FCRL2: variants seen among roughly 807,000 people sequenced by gnomAD.
The protein encoded by FCRL2 is Fc receptor-like protein 2.
Under a neutral mutation model 59.8 loss-of-function variants are expected in FCRL2, and 48 were observed. The observed-to-expected ratio is 0.80, with a 90% CI of 0.64 to 1.02. The LOEUF (loss-of-function observed/expected upper bound fraction) is 1.02. FCRL2 is among the 50% of genes least tolerant of loss of function. FCRL2 has a pLI of 0.00. For synonymous variants in FCRL2, 251 were observed against 229.5 expected (o/e 1.09, Z -0.85); for missense variants, 658 against 597.3 (o/e 1.10, Z -1.06).
intron 7 of FCRL2, among the ~76,000 whole-genome samples, chr1:157,757,858 A>G (rs185528123): frequency 0.017 from 2,556 of 152,282 alleles, 49 homozygotes; most frequent in African/African-American, 0.05. Flanking sequence ...GCTACTGGGG[A>G]GGATGAGGCA....
intron 2 of FCRL2, among the ~76,000 whole-genome samples, chr1:157,772,226 A>G (rs1319556415): frequency 1.3e-5 from 2 of 151,960 alleles, no homozygotes; most frequent in African/African-American, 4.8e-5. Flanking sequence ...TGTAGAGAAC[A>G]CCACTGGGGA....
Position 157,746,783 on chromosome 1 carries a change from GAC to G in FCRL2, c.1489-11_1489-10del, listed in dbSNP as rs1647779703. On this transcript the variant is annotated splice_polypyrimidine_tract_variant and intron_variant, in intron 11 of 11. Transcript: ENST00000361516. ...TAGATGACTTGGGAGTCCTGGGAGA[GAC>G]ACACAGGAATAAAGACTGAGGTGAT... 2 of 1,613,374 alleles carry G rather than the reference GAC, an allele frequency of 1.2e-6. No individual in the cohort carries two copies. Among genetic ancestry groups the G allele is most frequent in the African/African-American group, 2.7e-5 (2 of 74,918 alleles).
intron 7 of FCRL2, among the ~76,000 whole-genome samples, chr1:157,763,010 T>C (rs1049319202): frequency 1.3e-5 from 2 of 152,014 alleles, no homozygotes; most frequent in African/African-American, 4.8e-5. Flanking sequence ...AGCCAGGAGG[T>C]GCAATAAAGT....
intron 7 of FCRL2, among the ~76,000 whole-genome samples, chr1:157,757,075 A>G (rs147330754): frequency 3.3e-5 from 5 of 152,338 alleles, no homozygotes; most frequent in Admixed American, 1.3e-4. Flanking sequence ...TGACTCTGTC[A>G]TTTGTCAGCA....
intron 5 of FCRL2, 45 bp from the exon 6 acceptor site, chr1:157,767,554 A>G (rs1649610465): frequency 1.2e-6 from 2 of 1,614,142 alleles, no homozygotes; most frequent in African/African-American, 1.3e-5. Context: ...GTGATGCCTC[A>G]ATAGATTCAC....
intron 4 of FCRL2, chr1:157,768,963 CTG>C (rs933354372): frequency 6.2e-5 from 23 of 371,782 alleles, no homozygotes; most frequent in African/African-American, 3.9e-4. Flanking sequence ...AGACAGGAAA[CTG>C]TTCAATTTTT....
At chr1:157,768,834 G>T in intron 4 of FCRL2, 133 bp from the exon 5 acceptor site, 1 of 868,962 alleles carries the variant, frequency 1.2e-6, no homozygotes, top group Non-Finnish European at 1.7e-6. Context: ...GCATTCCTAT[G>T]GAGGTAGGGA....
intron 10 of FCRL2, among the ~76,000 whole-genome samples, chr1:157,748,053 G>C (rs1413165502): frequency 2.0e-5 from 3 of 151,876 alleles, no homozygotes; most frequent in Non-Finnish European, 4.4e-5. Flanking sequence ...CTTCACAAGA[G>C]CCTACCTCCA....
intron 7 of FCRL2, among the ~76,000 whole-genome samples, chr1:157,756,918 C>T (rs1398512925): frequency 1.3e-5 from 2 of 152,160 alleles, no homozygotes; most frequent in East Asian, 3.8e-4. Flanking sequence ...TACATAAATA[C>T]ATGCAATTTT....
intron 7 of FCRL2, among the ~76,000 whole-genome samples, chr1:157,760,776 AGGAAGGAAGGAAGGAG>A (rs1383668340): frequency 0.014 from 2,033 of 150,194 alleles, 60 homozygotes; most frequent in African/African-American, 0.047. Context: ...GAAAAAAGAA[AGGAAGGAAGGAAGGAG>A]GGAAGGAAGG....
intron 7 of FCRL2, among the ~76,000 whole-genome samples, chr1:157,752,222 G>T (rs1648246749): frequency 6.6e-6 from 1 of 152,338 alleles, no homozygotes; most frequent in South Asian, 2.1e-4. Context: ...GTTGTGGGAG[G>T]TACCCAGTGG....
chr1:157,757,962 G>A (rs1648731836), intron 7 of FCRL2, among the ~76,000 whole-genome samples: 1 of 151,820 alleles, frequency 6.6e-6, no homozygotes, highest in East Asian at 1.9e-4. Context: ...ACTGCGTCTC[G>A]AAAAAAAAGA....
rs1222929984 is a variant in FCRL2, at chr1:157,745,860, GT to G, written c.*875del. ...TATGCATACTTTGGTGATATTGCAG[GT>G]TCAGTTCCAGACTACCAAAATAAAA... On this transcript the variant is annotated 3_prime_UTR_variant, in exon 12 of 12. Transcript: ENST00000361516. 2 of 152,090 alleles carry G rather than the reference GT, an allele frequency of 1.3e-5. No individual in the cohort carries two copies. Among genetic ancestry groups the G allele is most frequent in the Non-Finnish European group, 2.9e-5 (2 of 68,028 alleles). The allele number at this position is 152,090 out of a possible 1,614,324, so 9.4% of individuals were successfully genotyped here. A position where few individuals can be genotyped will look rare whatever the true frequency, so the allele number is the denominator to read the frequency against.
chr1:157,755,236 G>A (rs1648495767), intron 7 of FCRL2, among the ~76,000 whole-genome samples: 1 of 152,018 alleles, frequency 6.6e-6, no homozygotes, highest in African/African-American at 2.4e-5. Flanking sequence ...CTAAGAATGA[G>A]ATAAAAAACC....
chr1:157,755,911 T>A (rs1342149108), intron 7 of FCRL2, among the ~76,000 whole-genome samples: 1 of 152,200 alleles, frequency 6.6e-6, no homozygotes, highest in African/African-American at 2.4e-5. Flanking sequence ...CAGGAACAGT[T>A]GTGAGAGAAA....
rs527595403 is a variant in FCRL2, at chr1:157,746,529, A to G, written c.*207T>C. ...AATAATTTATTTGCACAGTGTCTGG[A>G]TGTAGCAGCAGTTCAATGAATATTG... is the stretch of plus-strand genomic sequence containing the variant. On this transcript the variant is annotated 3_prime_UTR_variant, in exon 12 of 12. Transcript: ENST00000361516. 58 of 596,746 alleles carry G rather than the reference A, an allele frequency of 9.7e-5. 1 individual carries two copies. In the South Asian group the frequency reaches 1.1e-3, roughly 11 times the overall value. The allele number at this position is 596,746 out of a possible 1,614,324, so 37.0% of individuals were successfully genotyped here. A position where few individuals can be genotyped will look rare whatever the true frequency, so the allele number is the denominator to read the frequency against.
intron 2 of FCRL2, among the ~76,000 whole-genome samples, chr1:157,771,615 T>C (rs1179786278): frequency 6.6e-6 from 1 of 152,224 alleles, no homozygotes; most frequent in African/African-American, 2.4e-5. Flanking sequence ...CAAAGACAAA[T>C]GTCCTCCCCA....
chr1:157,769,749 C>G, intron 4 of FCRL2, 117 bp downstream of exon 4: 1 of 1,342,426 alleles, frequency 7.4e-7, no homozygotes, highest in South Asian at 1.4e-5. Flanking sequence ...GTTTTTCTAG[C>G]TTAATTTTCA....
At position 157,746,426 on chromosome 1, in the gene FCRL2, TGAA is replaced by T. The variant is rs1647751100; in HGVS notation, c.*307_*309del. ...CCTGTTCTCATCACTTCACAGTAGATGAAGGTGAGACCTTGTATCTCTTATTCA... is the reference window on the plus strand; with the variant it reads ...CCTGTTCTCATCACTTCACAGTAGATGGTGAGACCTTGTATCTCTTATTCA... On this transcript the variant is annotated 3_prime_UTR_variant, in exon 12 of 12. Transcript: ENST00000361516. The T allele has an allele frequency of 2.3e-6, 1 of 440,202 alleles. No homozygotes were observed. The highest frequency in any genetic ancestry group is 4.1e-6 in the Non-Finnish European group (1 of 242,624). 27.3% of individuals were successfully genotyped at this position (440,202 alleles called of 1,614,324 possible).
Sources: gnomAD v4.1 joint callset for allele counts (sites outside exome capture counted in the v4.1 genomes callset) on GRCh38, gnomAD v4.1.1 for gene constraint, MANE v1.5 for transcripts, NCBI Gene and HGNC (gene_info 2026-07-23, HGNC 2026-07-21) for gene names.